ERBB4: variants seen among roughly 807,000 people sequenced by gnomAD.
ERBB4 encodes receptor tyrosine-protein kinase erbB-4.
ERBB4 carries 42 observed loss-of-function variants against 158.0 expected under a neutral mutation model. The ratio of observed to expected loss-of-function variants is 0.27; its 90% CI spans 0.21 to 0.34. The LOEUF is 0.34. Among genes scored for constraint, ERBB4 ranks in the 10% least tolerant of loss-of-function variants. The pLI is 1.00. For missense variants in ERBB4, 1,333 were observed against 1,624.1 expected, an observed-to-expected ratio of 0.82 and a Z score of 3.08; for synonymous variants, 583 against 558.7, an observed-to-expected ratio of 1.04 and a Z score of -0.61.
intron 12 of ERBB4, among the ~76,000 whole-genome samples, chr2:211,688,985 C>A (rs2072689854): frequency 6.6e-6 from 1 of 151,888 alleles, no homozygotes. Context: ...AATGAAATAT[C>A]ATATATTATG....
chr2:211,944,485 C>T (rs1323769572), intron 3 of ERBB4, among the ~76,000 whole-genome samples: 3 of 151,596 alleles, frequency 2.0e-5, no homozygotes, highest in African/African-American at 7.3e-5. Flanking sequence ...ATTTTATACC[C>T]AAGTTTCTAT....
At chr2:212,319,008 A>T (rs927720943) in intron 1 of ERBB4, among the ~76,000 whole-genome samples, 2 of 151,480 alleles carry the variant, frequency 1.3e-5, no homozygotes, top group East Asian at 3.9e-4. Flanking sequence ...CCACACTTTC[A>T]ATCCAAATTC....
intron 1 of ERBB4, among the ~76,000 whole-genome samples, chr2:212,221,107 CAG>C (rs752899424): frequency 5.9e-5 from 9 of 151,436 alleles, no homozygotes; most frequent in East Asian, 5.8e-4. Context: ...GATCATGAAA[CAG>C]GGGGTGGTTT....
At chr2:211,636,317 C>G (rs1176434135) in intron 16 of ERBB4, among the ~76,000 whole-genome samples, 3 of 151,854 alleles carry the variant, frequency 2.0e-5, no homozygotes, top group Admixed American at 6.6e-5. Flanking sequence ...TGGAGCCAGG[C>G]AAATCTAAGT....
chr2:211,561,688 TAA>T, intron 20 of ERBB4: 1 of 552,650 alleles, frequency 1.8e-6, no homozygotes, highest in South Asian at 2.0e-5. Flanking sequence ...GTCAATTCAA[TAA>T]AAATGATACA....
Position 212,505,757 on chromosome 2 carries a change from C to T in ERBB4, c.82+32692G>A. 1.3e-5 allele frequency among the ~76,000 whole-genome samples: 2 copies of T among 148,820 alleles called. 1 individual carries two copies. Among genetic ancestry groups the T allele is most frequent in the Non-Finnish European group, 3.0e-5 (2 of 66,000 alleles). ...GGCAAGAAAAATTCATACAAGCATGCCAATGCTTATCTTGCTTGCTGCAAC... is the reference window on the plus strand; with the variant it reads ...GGCAAGAAAAATTCATACAAGCATGTCAATGCTTATCTTGCTTGCTGCAAC... On this transcript the variant is annotated intron_variant, in intron 1 of 27. Coordinates refer to ENST00000342788, the MANE Select transcript of ERBB4 (RefSeq NM_005235.3).
At chr2:211,594,210 G>T (rs2068560117) in intron 19 of ERBB4, among the ~76,000 whole-genome samples, 1 of 152,144 alleles carries the variant, frequency 6.6e-6, no homozygotes, top group Admixed American at 6.5e-5. Context: ...ACCGAGGAGG[G>T]CTGATTGACT....
At chr2:212,510,797 G>A (rs1415750240) in intron 1 of ERBB4, among the ~76,000 whole-genome samples, 1 of 151,838 alleles carries the variant, frequency 6.6e-6, no homozygotes, top group Non-Finnish European at 1.5e-5. Flanking sequence ...TGTCTATCTG[G>A]AAAAATAATC....
intron 1 of ERBB4, among the ~76,000 whole-genome samples, chr2:212,182,461 C>G (rs77868325): frequency 6.6e-6 from 1 of 151,706 alleles, no homozygotes; most frequent in African/African-American, 2.4e-5. Flanking sequence ...TGAGCTTGTC[C>G]TAGTATTTTT....
chr2:212,076,434 G>A (rs2078276955), intron 2 of ERBB4, among the ~76,000 whole-genome samples: 1 of 151,874 alleles, frequency 6.6e-6, no homozygotes, highest in Admixed American at 6.6e-5. Flanking sequence ...TATTCATTAA[G>A]TGCCTATTTT....
intron 15 of ERBB4, among the ~76,000 whole-genome samples, chr2:211,660,611 T>C (rs1337499196): frequency 6.6e-6 from 1 of 152,132 alleles, no homozygotes; most frequent in African/African-American, 2.4e-5. Context: ...TAGGTAGAAA[T>C]GTTTATCAGC....
At chr2:211,714,764 T>TTG (rs2073838305) in intron 7 of ERBB4, among the ~76,000 whole-genome samples, 2 of 152,196 alleles carry the variant, frequency 1.3e-5, no homozygotes, top group Admixed American at 1.3e-4. Context: ...TGCTATAATG[T>TTG]CACAATGTCA....
At chr2:212,449,991 T>C (rs1280016959) in intron 1 of ERBB4, among the ~76,000 whole-genome samples, 1 of 152,166 alleles carries the variant, frequency 6.6e-6, no homozygotes, top group Non-Finnish European at 1.5e-5. Context: ...GGGAATGACC[T>C]TGCCTATACA....
chr2:211,945,622 G>T (rs2125133203), intron 3 of ERBB4, among the ~76,000 whole-genome samples: 1 of 152,004 alleles, frequency 6.6e-6, no homozygotes, highest in South Asian at 2.1e-4. Context: ...GTTATATTTT[G>T]GTATGCACAA....
chr2:212,530,949 G>T (rs149299077), intron 1 of ERBB4, among the ~76,000 whole-genome samples: 1 of 151,962 alleles, frequency 6.6e-6, no homozygotes, highest in East Asian at 1.9e-4. Flanking sequence ...ATCTTCAATC[G>T]GTCTTGAGTC....
chr2:211,861,970 C>G (rs952926120), intron 3 of ERBB4, among the ~76,000 whole-genome samples: 13 of 151,994 alleles, frequency 8.6e-5, no homozygotes, highest in Admixed American at 2.0e-4. Flanking sequence ...AAATAAAGGA[C>G]AATTTCTTTT....
At chr2:212,348,197 G>C (rs1272791229) in intron 1 of ERBB4, among the ~76,000 whole-genome samples, 2 of 151,976 alleles carry the variant, frequency 1.3e-5, no homozygotes, top group African/African-American at 2.4e-5. Flanking sequence ...GAAACACCTG[G>C]GTGCTTCATT....
chr2:211,600,656 C>G (rs1045730365), intron 19 of ERBB4, among the ~76,000 whole-genome samples: 1 of 152,118 alleles, frequency 6.6e-6, no homozygotes, highest in Admixed American at 6.5e-5. Context: ...TGGCAAAAAA[C>G]TATAAATTTT....
intron 1 of ERBB4, among the ~76,000 whole-genome samples, chr2:212,383,971 G>A (rs761817232): frequency 1.3e-5 from 2 of 151,474 alleles, no homozygotes; most frequent in Non-Finnish European, 3.0e-5. Flanking sequence ...CAATTAAATT[G>A]CTTTTGATCT....
Sources: allele counts gnomAD v4.1 joint callset (sites outside exome capture counted in the v4.1 genomes callset), GRCh38; gene constraint gnomAD v4.1.1; transcripts MANE v1.5; gene names NCBI Gene and HGNC (gene_info 2026-07-23, HGNC 2026-07-21).